Variants in DPF3 observed in about 807,000 individuals in gnomAD.
DPF3 encodes zinc finger protein DPF3.
In DPF3, 18 loss-of-function variants were observed where a neutral mutation model predicts 56.8. The ratio of observed to expected loss-of-function variants is 0.32; its 90% confidence interval spans 0.22 to 0.47. The LOEUF is 0.47. Among genes scored for constraint, DPF3 ranks in the 20% least tolerant of loss-of-function variants. The pLI is 1.00. For missense variants in DPF3, 403 were observed against 488.8 expected, an observed-to-expected ratio of 0.82 and a Z score of 1.65; for synonymous variants, 188 against 180.2, an observed-to-expected ratio of 1.04 and a Z score of -0.35.
chr14:72,795,287 A>ATATATATATATATATATATAT (rs1371528147), intron 1 of DPF3, among the ~76,000 whole-genome samples: 2 of 124,974 alleles, frequency 1.6e-5, no homozygotes, highest in Non-Finnish European at 3.5e-5. Flanking sequence ...CAAAAAAAAA[A>ATATATATATATATATATATAT]AAAAAAAAAT....
At chr14:72,843,442 G>A (rs571058136) in intron 1 of DPF3, among the ~76,000 whole-genome samples, 1 of 152,294 alleles carries the variant, frequency 6.6e-6, no homozygotes, top group South Asian at 2.1e-4. Flanking sequence ...GTGACAAAAT[G>A]GAAGCCAGAG....
rs541809325 is a variant in DPF3 at position 72,818,905 on chromosome 14, C to CATACAGTATATAGATACATGTAT, written c.33-47035_33-47013dup. On this transcript the variant is annotated intron_variant, in intron 1 of 10. Coordinates refer to ENST00000556509, the MANE Select transcript of DPF3 (RefSeq NM_001280542.3). ...AGTACATATATGTACATAGTATAGT[C>CATACAGTATATAGATACATGTAT]ATACAGTATATAGATACATGTATAC... 3.2e-3 allele frequency among the ~76,000 whole-genome samples: 482 copies of CATACAGTATATAGATACATGTAT among 152,192 alleles called. 12 individuals are homozygous for CATACAGTATATAGATACATGTAT. The South Asian group carries it at 0.06, about 19-fold the overall frequency.
intron 2 of DPF3, among the ~76,000 whole-genome samples, chr14:72,756,902 GAAAA>G (rs1203399335): frequency 1.8e-5 from 2 of 112,470 alleles, no homozygotes; most frequent in Admixed American, 1.8e-4. Flanking sequence ...AGAAAGAAAA[GAAAA>G]AAAGAAAGAA....
intron 5 of DPF3, among the ~76,000 whole-genome samples, chr14:72,722,329 G>A (rs1224873296): frequency 6.6e-6 from 1 of 152,196 alleles, no homozygotes; most frequent in African/African-American, 2.4e-5. Flanking sequence ...CCCAGCCCCT[G>A]CACAGGCTGC....
intron 6 of DPF3, among the ~76,000 whole-genome samples, chr14:72,707,943 T>C (rs1888477969): frequency 6.6e-6 from 1 of 151,984 alleles, no homozygotes; most frequent in Non-Finnish European, 1.5e-5. Context: ...AAATACTATT[T>C]CCATAGAAAA....
intron 2 of DPF3, among the ~76,000 whole-genome samples, chr14:72,756,359 T>C (rs888451439): frequency 1.2e-4 from 19 of 152,184 alleles, no homozygotes; most frequent in Non-Finnish European, 1.0e-4. Flanking sequence ...ATACCTGGCA[T>C]TGAAAGGCTT....
intron 7 of DPF3, among the ~76,000 whole-genome samples, chr14:72,681,927 G>A (rs1376490540): frequency 6.6e-6 from 1 of 152,204 alleles, no homozygotes; most frequent in Non-Finnish European, 1.5e-5. Context: ...GTAAAGCTTA[G>A]GAATGGGTCG....
intron 1 of DPF3, among the ~76,000 whole-genome samples, chr14:72,885,369 GGTTTGTTTGTTT>G (rs36017937): frequency 0.093 from 13,823 of 149,160 alleles, 742 homozygotes; most frequent in South Asian, 0.14. Context: ...TAATTTTTTG[GGTTTGTTTGTTT>G]GTTTGTTTGT....
intron 3 of DPF3, 32 bp downstream of exon 3, chr14:72,753,232 A>G (rs1304431359): frequency 1.5e-5 from 24 of 1,604,418 alleles, no homozygotes; most frequent in Non-Finnish European, 2.0e-5. Context: ...CTTTCCCATC[A>G]CAGACCCAGC....
chr14:72,764,751 A>G (rs1330388143), intron 2 of DPF3, among the ~76,000 whole-genome samples: 1 of 152,208 alleles, frequency 6.6e-6, no homozygotes, highest in Non-Finnish European at 1.5e-5. Context: ...TCAGCCTCCC[A>G]AAGTGCTGGG....
intron 8 of DPF3, among the ~76,000 whole-genome samples, chr14:72,652,732 T>C (rs1885950788): frequency 1.3e-5 from 2 of 152,110 alleles, no homozygotes; most frequent in African/African-American, 4.8e-5. Context: ...AAACAGAACA[T>C]TGCCCCATTG....
chr14:72,628,374 A>T (rs1368029328), intron 9 of DPF3, among the ~76,000 whole-genome samples: 2 of 134,946 alleles, frequency 1.5e-5, no homozygotes, highest in Non-Finnish European at 3.3e-5. Context: ...AGAATCAAGC[A>T]TTTTTTTCCT....
intron 1 of DPF3, chr14:72,836,425 C>G: frequency 1.4e-5 from 14 of 985,598 alleles, no homozygotes; most frequent in Non-Finnish European, 1.7e-5. Context: ...TGGATAAGCG[C>G]ACCCTCCTCC....
At chr14:72,625,413 G>A (rs756986898) in intron 9 of DPF3, among the ~76,000 whole-genome samples, 18 of 151,912 alleles carry the variant, frequency 1.2e-4, no homozygotes, top group Non-Finnish European at 1.8e-4. Flanking sequence ...TCCTCTAGAC[G>A]CATGAAAATA....
chr14:72,739,839 G>A (rs1173290094), intron 3 of DPF3, among the ~76,000 whole-genome samples: 1 of 152,164 alleles, frequency 6.6e-6, no homozygotes, highest in African/African-American at 2.4e-5. Flanking sequence ...AGGTGCTGGG[G>A]CAATGACTCT....
intron 1 of DPF3, among the ~76,000 whole-genome samples, chr14:72,811,950 A>T (rs1883064523): frequency 6.6e-6 from 1 of 152,054 alleles, no homozygotes; most frequent in Non-Finnish European, 1.5e-5. Flanking sequence ...AGTCCAAGAC[A>T]ACATTGGTGT....
chr14:72,664,825 G>T (rs1886379648), intron 8 of DPF3, among the ~76,000 whole-genome samples: 1 of 152,188 alleles, frequency 6.6e-6, no homozygotes, highest in Admixed American at 6.5e-5. Flanking sequence ...GGCACTGTCT[G>T]GAGGATATGA....
chr14:72,710,976 A>G (rs951020928), intron 6 of DPF3, among the ~76,000 whole-genome samples: 3 of 152,238 alleles, frequency 2.0e-5, no homozygotes, highest in Non-Finnish European at 4.4e-5. Context: ...AAAGGCATCA[A>G]GCAAACTCTC....
intron 8 of DPF3, among the ~76,000 whole-genome samples, chr14:72,672,874 T>C (rs1417965638): frequency 6.6e-6 from 1 of 152,198 alleles, no homozygotes; most frequent in Admixed American, 6.5e-5. Flanking sequence ...TTCATCTGAT[T>C]GCTTGCTTTT....
Sources: allele counts gnomAD v4.1 joint callset (sites outside exome capture counted in the v4.1 genomes callset), GRCh38; gene constraint gnomAD v4.1.1; transcripts MANE v1.5; gene names NCBI Gene and HGNC (gene_info 2026-07-23, HGNC 2026-07-21).